Variants in GLT1D1 observed in about 807,000 individuals in gnomAD.
GLT1D1 encodes glycosyltransferase 1 domain containing 1.
GLT1D1 carries 21 observed loss-of-function variants against 28.7 expected under a neutral mutation model. The observed-to-expected ratio is 0.73, with a 90% confidence interval of 0.52 to 1.05. The LOEUF is 1.05. Among genes scored for constraint, GLT1D1 ranks in the 50% least tolerant of loss-of-function variants. The probability of loss-of-function intolerance (pLI) is 0.00; values close to 1 mark genes in which losing one functional copy is unlikely to be tolerated. For synonymous variants in GLT1D1, 147 were observed against 124.8 expected, an observed-to-expected ratio of 1.18 and a Z score of -1.19; for missense variants, 343 against 330.6, an observed-to-expected ratio of 1.04 and a Z score of -0.29.
chr12:128,976,914 T>TGAA lies in GLT1D1; in HGVS notation c.640-6013_640-6011dup, dbSNP rs576794653. On this transcript the variant is annotated intron_variant, in intron 7 of 7. Coordinates refer to ENST00000281703, the MANE Select transcript of GLT1D1 (RefSeq NM_144669.3). ...TAATCCCAGCACTTTGGGAGACCAATGAAGGTGGATCACTTGAGGCCAGGA... is the reference window on the plus strand; with the variant it reads ...TAATCCCAGCACTTTGGGAGACCAATGAAGAAGGTGGATCACTTGAGGCCAGGA... Among the ~76,000 whole-genome samples the TGAA allele has an allele frequency of 3.6e-3, 544 of 152,196 alleles. 3 individuals carry two copies. The highest frequency in any genetic ancestry group is 0.012 in the African/African-American group (513 of 41,524).
rs1869961760 is a variant in GLT1D1, at chr12:128,899,177, A to G, written c.324-59A>G. The stretch of plus-strand genomic sequence containing the variant: ...ATAATTTGTTCCAAAGAGCTGTTTC[A>G]TAGTTCTTTTAATTGAATTCTGGCC... On this transcript the variant is annotated intron_variant, in intron 3 of 7. Transcript: ENST00000281703. 19 of 1,271,214 alleles carry G rather than the reference A, an allele frequency of 1.5e-5. No homozygotes were observed. The South Asian group carries it at 1.9e-4, about 13-fold the overall frequency. The allele number at this position is 1,271,214 out of a possible 1,614,324, so 78.7% of individuals were successfully genotyped here. A position where few individuals can be genotyped will look rare whatever the true frequency, so the allele number is the denominator to read the frequency against.
rs143681114 is a variant in GLT1D1, at chr12:128,902,354, G to A, written c.375+3067G>A. Among the ~76,000 whole-genome samples the A allele has an allele frequency of 3.3e-5, 5 of 151,236 alleles. No homozygotes were observed. In the East Asian group the frequency reaches 5.9e-4, roughly 18 times the overall value. Reference sequence around the variant, plus strand: ...CAAAATTAGCCAGGCATGGTGGTGCGTGCCTGTAATCCCAGCTACTTTCGG... The same window carrying A: ...CAAAATTAGCCAGGCATGGTGGTGCATGCCTGTAATCCCAGCTACTTTCGG... On this transcript the variant is annotated intron_variant, in intron 4 of 7. Coordinates refer to ENST00000281703, the MANE Select transcript of GLT1D1 (RefSeq NM_144669.3).
chr12:128,903,489 G>C (rs1183379990), intron 4 of GLT1D1, among the ~76,000 whole-genome samples: 1 of 151,694 alleles, frequency 6.6e-6, no homozygotes, highest in African/African-American at 2.4e-5. Context: ...GATGCAGGGA[G>C]GGGGAGAATT....
At chr12:128,874,652 A>G (rs1034116285) in intron 1 of GLT1D1, among the ~76,000 whole-genome samples, 26 of 151,344 alleles carry the variant, frequency 1.7e-4, no homozygotes, top group African/African-American at 6.1e-4. Flanking sequence ...CAGTGCATTA[A>G]AAAATATTTT....
At chr12:128,971,487 T>C (rs556726353) in intron 7 of GLT1D1, among the ~76,000 whole-genome samples, 108 of 103,734 alleles carry the variant, frequency 1.0e-3, no homozygotes, top group African/African-American at 3.7e-3. Context: ...TCCCTCCCTC[T>C]CTCTACCTCC....
At chr12:128,916,933 A>T (rs1445767279) in intron 4 of GLT1D1, among the ~76,000 whole-genome samples, 4 of 152,122 alleles carry the variant, frequency 2.6e-5, no homozygotes, top group Non-Finnish European at 5.9e-5. Flanking sequence ...GGTCACAAAG[A>T]TGTTTTTCTT....
chr12:128,904,623 CTTTTTTTT>C (rs59189244), intron 4 of GLT1D1, among the ~76,000 whole-genome samples: 5 of 139,286 alleles, frequency 3.6e-5, no homozygotes, highest in African/African-American at 6.1e-5. Context: ...TGAAAACAGT[CTTTTTTTT>C]TTTTTTTTTT....
At chr12:128,884,806 T>C (rs1319511993) in intron 2 of GLT1D1, among the ~76,000 whole-genome samples, 2 of 151,870 alleles carry the variant, frequency 1.3e-5, no homozygotes, top group Non-Finnish European at 2.9e-5. Flanking sequence ...CAAGTGAGAC[T>C]CTGTCTCAAA....
chr12:128,944,980 T>G (rs1056402564), intron 4 of GLT1D1: 5 of 568,600 alleles, frequency 8.8e-6, no homozygotes, highest in East Asian at 2.9e-5. Context: ...CGGTGTGTGA[T>G]GTTCCCCTCC....
At chr12:128,918,358 A>G (rs894200957) in intron 4 of GLT1D1, among the ~76,000 whole-genome samples, 1 of 152,146 alleles carries the variant, frequency 6.6e-6, no homozygotes. Context: ...AAAATAGCTA[A>G]TGCATGCTGG....
At chr12:128,949,092 C>A (rs757442844) in intron 6 of GLT1D1, among the ~76,000 whole-genome samples, 1 of 152,186 alleles carries the variant, frequency 6.6e-6, no homozygotes, top group Non-Finnish European at 1.5e-5. Flanking sequence ...ACATTTTATT[C>A]GTCATGTAGG....
At chr12:128,926,444 C>T (rs117594524) in intron 4 of GLT1D1, 101 of 1,515,956 alleles carry the variant, frequency 6.7e-5, no homozygotes, top group Admixed American at 3.9e-4. Context: ...ATCTGGTGGA[C>T]GCATTTTCAG....
At chr12:128,895,106 T>A (rs1869479204) in intron 3 of GLT1D1, among the ~76,000 whole-genome samples, 2 of 152,098 alleles carry the variant, frequency 1.3e-5, no homozygotes, top group Admixed American at 1.3e-4. Flanking sequence ...TCATCTCCTG[T>A]CTACCTTGTC....
At chr12:128,916,809 A>G (rs115641011) in intron 4 of GLT1D1, among the ~76,000 whole-genome samples, 1 of 152,268 alleles carries the variant, frequency 6.6e-6, no homozygotes, top group African/African-American at 2.4e-5. Flanking sequence ...TTGCTTAACC[A>G]TGTCTTTTGA....
Position 128,952,213 on chromosome 12 carries a change from G to A in GLT1D1, c.540+4755G>A, listed in dbSNP as rs373901486. On this transcript the variant is annotated intron_variant, in intron 6 of 7. Coordinates refer to ENST00000281703, the MANE Select transcript of GLT1D1 (RefSeq NM_144669.3). The stretch of plus-strand genomic sequence containing the variant: ...ATGGAAGAGTGAACAGAGAACTTTA[G>A]GACGTAGTAAGTGCTGAGGAGGAAG... Among the ~76,000 whole-genome samples the A allele has an allele frequency of 3.3e-5, 5 of 151,912 alleles. No homozygotes were observed. In the East Asian group the frequency reaches 7.7e-4, roughly 24 times the overall value.
Position 128,866,564 on chromosome 12 carries a change from C to A in GLT1D1, c.69-9350C>A, listed in dbSNP as rs975267481. Among the ~76,000 whole-genome samples, 5 of 149,402 alleles carry A rather than the reference C, an allele frequency of 3.3e-5. No individual in the cohort carries two copies. The Admixed American group carries it at 3.3e-4, about 10-fold the overall frequency. On this transcript the variant is annotated intron_variant, in intron 1 of 7. Coordinates refer to ENST00000281703, the MANE Select transcript of GLT1D1 (RefSeq NM_144669.3). ...TTCTGTGTGCTGGACTTTGTTAGCT[C>A]TTCATCTTTTCCCCCACAGTATCCA... is the stretch of plus-strand genomic sequence containing the variant.
At chr12:128,917,044 T>A (rs1318608912) in intron 4 of GLT1D1, among the ~76,000 whole-genome samples, 1 of 152,170 alleles carries the variant, frequency 6.6e-6, no homozygotes, top group Non-Finnish European at 1.5e-5. Context: ...GAGGTAGGGA[T>A]CTGTTTTTTT....
rs560995808 is a variant in GLT1D1 at position 128,908,638 on chromosome 12, A to AG, written c.375+9354dup. On this transcript the variant is annotated intron_variant, in intron 4 of 7. Transcript: ENST00000281703. ...TGGCTGGCGTTTCTGTGGGACACGG[A>AG]GGGCAGCAGGAAGGAAAATAAACAC... Among the ~76,000 whole-genome samples, 1,045 of 141,248 alleles carry AG rather than the reference A, an allele frequency of 7.4e-3. 9 individuals are homozygous for AG. Among genetic ancestry groups the AG allele is most frequent in the African/African-American group, 0.015 (612 of 40,904 alleles). The allele number at this position is 141,248 out of a possible 152,430, so 92.7% of individuals were successfully genotyped here. A position where few individuals can be genotyped will look rare whatever the true frequency, so the allele number is the denominator to read the frequency against.
At chr12:128,876,377 C>T (rs375698934) in intron 2 of GLT1D1, among the ~76,000 whole-genome samples, 8 of 152,270 alleles carry the variant, frequency 5.3e-5, no homozygotes, top group South Asian at 4.1e-4. Flanking sequence ...GATACAATCT[C>T]GGCTCGCTGC....
Sources: allele counts gnomAD v4.1 joint callset (sites outside exome capture counted in the v4.1 genomes callset), GRCh38; gene constraint gnomAD v4.1.1; transcripts MANE v1.5; gene names NCBI Gene and HGNC (gene_info 2026-07-23, HGNC 2026-07-21).